Variants in CLEC2L observed in about 807,000 individuals in gnomAD.
CLEC2L encodes the protein C-type lectin domain family 2, member L.
In CLEC2L, 14 loss-of-function variants were observed where a neutral mutation model predicts 23.6. That is an observed-to-expected ratio of 0.59 (90% CI 0.39 to 0.93). The LOEUF is 0.93. CLEC2L is among the 40% of genes least tolerant of loss of function. The pLI is 0.00. For synonymous variants in CLEC2L, 114 were observed against 121.3 expected (o/e 0.94, Z 0.40); for missense variants, 264 against 282.4 (o/e 0.93, Z 0.47).
chr7:139,544,823 T>C lies in CLEC2L; in HGVS notation c.*481T>C, dbSNP rs1409296828. On this transcript the variant is annotated 3_prime_UTR_variant, in exon 5 of 5. Transcript: ENST00000422142. ...CTCCTGGCTGCCGGCGGAGGTAGGC[T>C]GGGAAAGCTTCCCCCTCACCTAGGC... The C allele has an allele frequency of 6.5e-6, 1 of 153,486 alleles. No homozygotes were observed. The highest frequency in any genetic ancestry group is 1.4e-5 in the Non-Finnish European group (1 of 68,980). The allele number at this position is 153,486 out of a possible 1,614,324, so 9.5% of individuals were successfully genotyped here. A position where few individuals can be genotyped will look rare whatever the true frequency, so the allele number is the denominator to read the frequency against.
In CLEC2L at chr7:139,524,019, G is replaced by T; in HGVS notation, c.92G>T (p.Arg31Leu). The change falls in exon 1 of 5, where the codon CGT becomes CTT. Residue 31 changes from arginine to leucine, a missense_variant. Coordinates refer to ENST00000422142, the MANE Select transcript of CLEC2L (RefSeq NM_001080511.4). ...CCCGCCCCCGCCGCCCCCAGGCCGC[G>T]TTCGCCCGCAGAGGCTGAGGCCCGC... ...PAPAPAAPRP[R>L]SPAEAEARGP... is the part of the protein sequence containing the mutation. 2 of 1,155,410 alleles carry T rather than the reference G, an allele frequency of 1.7e-6. No individual in the cohort carries two copies. Among genetic ancestry groups the T allele is most frequent in the Non-Finnish European group, 2.1e-6 (2 of 938,380 alleles). 71.6% of individuals were successfully genotyped at this position (1,155,410 alleles called of 1,614,324 possible).
intron 2 of CLEC2L, among the ~76,000 whole-genome samples, chr7:139,538,477 G>A (rs112571795): frequency 6.8e-6 from 1 of 146,756 alleles, no homozygotes; most frequent in African/African-American, 2.5e-5. Context: ...GTCCGGGCGT[G>A]GTGGCTCACG....
chr7:139,536,244 G>A, intron 1 of CLEC2L, 30 bp from the exon 2 acceptor site: 11 of 1,537,862 alleles, frequency 7.2e-6, no homozygotes, highest in Non-Finnish European at 9.7e-6. Context: ...GATGGGCGGT[G>A]GGATGTTGAA....
At chr7:139,538,165 GCTCAAGCCTGTAATCCCAGCA>G (rs1797685575) in intron 2 of CLEC2L, among the ~76,000 whole-genome samples, 1 of 152,202 alleles carries the variant, frequency 6.6e-6, no homozygotes, top group Non-Finnish European at 1.5e-5. Context: ...GGGTGCAGTG[GCTCAAGCCTGTAATCCCAGCA>G]CTTCGGGAGG....
At chr7:139,534,312 T>C (rs1797622161) in intron 1 of CLEC2L, 1 of 1,448,028 alleles carries the variant, frequency 6.9e-7, no homozygotes, top group East Asian at 2.3e-5. Flanking sequence ...ACTACGAATC[T>C]GTGAATGAAT....
intron 1 of CLEC2L, among the ~76,000 whole-genome samples, chr7:139,534,864 G>C (rs759403401): frequency 2.7e-5 from 4 of 150,764 alleles, no homozygotes; most frequent in Admixed American, 2.6e-4. Context: ...AACGTTCACT[G>C]TAGTAACCCT....
chr7:139,542,171 C>T (rs1236757971), intron 4 of CLEC2L, 50 bp downstream of exon 4: 1 of 1,277,948 alleles, frequency 7.8e-7, no homozygotes, highest in Non-Finnish European at 1.1e-6. Flanking sequence ...TGAGAAAGGC[C>T]TGACTCACCC....
At chr7:139,528,270 G>A (rs895825930) in intron 1 of CLEC2L, among the ~76,000 whole-genome samples, 2 of 152,166 alleles carry the variant, frequency 1.3e-5, no homozygotes, top group African/African-American at 4.8e-5. Flanking sequence ...GGAGTAGAGT[G>A]GGCCCTAATC....
At chr7:139,526,784 TGC>T (rs750190237) in intron 1 of CLEC2L, among the ~76,000 whole-genome samples, 6 of 152,260 alleles carry the variant, frequency 3.9e-5, no homozygotes. Flanking sequence ...TCTTCCCAGC[TGC>T]CTGGACTTGG....
chr7:139,524,128 A>G lies in CLEC2L; in HGVS notation c.190+11A>G. The G allele has an allele frequency of 8.2e-7, 1 of 1,222,514 alleles. No homozygotes were observed. The highest frequency in any genetic ancestry group is 3.2e-5 in the East Asian group (1 of 31,038). 75.7% of individuals were successfully genotyped at this position (1,222,514 alleles called of 1,614,324 possible). A position where few individuals can be genotyped will look rare whatever the true frequency, so the allele number is the denominator to read the frequency against. The stretch of plus-strand genomic sequence containing the variant: ...AGGCGGCCTTGGAGGGTAAGCGCGG[A>G]GCGGCCTCCCTCTCCTGGCCCAGGG... On this transcript the variant is annotated intron_variant, in intron 1 of 4. Coordinates refer to ENST00000422142, the MANE Select transcript of CLEC2L (RefSeq NM_001080511.4).
At chr7:139,541,376 A>T (rs1188710817) in intron 3 of CLEC2L, among the ~76,000 whole-genome samples, 24 of 152,192 alleles carry the variant, frequency 1.6e-4, no homozygotes, top group Non-Finnish European at 3.1e-4. Context: ...AAATGTGAAA[A>T]CACATTGTCA....
rs1797723865 is a variant in CLEC2L at position 139,540,881 on chromosome 7, C to G, written c.432+394C>G. ...CTAGTCTGGGCAACATAGTGAGACC[C>G]TAGCTCTACAAAAAGTAAAAAGAAA... On this transcript the variant is annotated intron_variant, in intron 3 of 4. Coordinates refer to ENST00000422142, the MANE Select transcript of CLEC2L (RefSeq NM_001080511.4). The surrounding 1 kb of genome is among the most constrained non-coding windows in gnomAD (Gnocchi z 5.8). Among the ~76,000 whole-genome samples, 1 of 152,000 alleles carries G rather than the reference C, an allele frequency of 6.6e-6. No individual in the cohort carries two copies. The highest frequency in any genetic ancestry group is 2.1e-4 in the South Asian group (1 of 4,818).
chr7:139,532,607 A>G (rs868153649), intron 1 of CLEC2L, among the ~76,000 whole-genome samples: 12 of 152,284 alleles, frequency 7.9e-5, no homozygotes, highest in African/African-American at 2.6e-4. Context: ...CTAACCTCCA[A>G]TGTGATGATA....
intron 1 of CLEC2L, among the ~76,000 whole-genome samples, chr7:139,525,192 A>G (rs1797489698): frequency 1.4e-5 from 2 of 146,986 alleles, no homozygotes. Context: ...AGGGGTGGAG[A>G]TGGTGGGCTT....
At chr7:139,533,982 CTG>C (rs770305877) in intron 1 of CLEC2L, among the ~76,000 whole-genome samples, 1 of 152,144 alleles carries the variant, frequency 6.6e-6, no homozygotes, top group Non-Finnish European at 1.5e-5. Context: ...CTGTACTTAA[CTG>C]TGCACTCAAT....
intron 2 of CLEC2L, among the ~76,000 whole-genome samples, chr7:139,538,762 AAAACAAAACAAAC>A (rs1341888192): frequency 1.1e-3 from 51 of 45,358 alleles, no homozygotes; most frequent in African/African-American, 4.0e-3. Flanking sequence ...AAAACAAAAC[AAAACAAAACAAAC>A]AAACAAACAA....
intron 2 of CLEC2L, 81 bp downstream of exon 2, chr7:139,536,429 T>C: frequency 1.6e-6 from 2 of 1,228,566 alleles, no homozygotes; most frequent in Non-Finnish European, 2.3e-6. Context: ...TAAAGAAAGA[T>C]TCTAGACATT....
At chr7:139,530,115 C>T (rs1392273308) in intron 1 of CLEC2L, among the ~76,000 whole-genome samples, 3 of 150,308 alleles carry the variant, frequency 2.0e-5, no homozygotes, top group Admixed American at 6.6e-5. Flanking sequence ...ACCTGGGAGG[C>T]GGAGGTTGCA....
At chr7:139,543,585 T>C (rs1797767146) in intron 4 of CLEC2L, among the ~76,000 whole-genome samples, 1 of 152,176 alleles carries the variant, frequency 6.6e-6, no homozygotes, top group Admixed American at 6.5e-5. Flanking sequence ...AAGGGGTGAT[T>C]TGAGGTAGGG....
Sources: allele counts gnomAD v4.1 joint callset (sites outside exome capture counted in the v4.1 genomes callset), GRCh38; gene constraint gnomAD v4.1.1; non-coding constraint Gnocchi (gnomAD v3.1); transcripts MANE v1.5; gene names NCBI Gene and HGNC (gene_info 2026-07-23, HGNC 2026-07-21).